Variants in MIA2 observed in about 807,000 individuals in gnomAD.
MIA2 encodes MIA SH3 domain ER export factor 2.
MIA2 carries 127 observed loss-of-function variants against 167.8 expected under a neutral mutation model. The observed-to-expected ratio is 0.76, with a 90% CI of 0.66 to 0.88. The LOEUF (loss-of-function observed/expected upper bound fraction) is 0.88. MIA2 is among the 40% of genes least tolerant of loss of function. The pLI is 0.00. For missense variants in MIA2, 1,690 were observed against 1,624.7 expected (o/e 1.04, Z -0.69); for synonymous variants, 552 against 541.9 (o/e 1.02, Z -0.26).
chr14:39,355,517 C>T (rs1432697774), downstream of MIA2, among the ~76,000 whole-genome samples: 1 of 152,108 alleles, frequency 6.6e-6, no homozygotes, highest in Non-Finnish European at 1.5e-5. Context: ...ATTTGACTTC[C>T]TCTTTTCCTA....
At chr14:39,285,268 C>T (rs1169563090) in intron 9 of MIA2, among the ~76,000 whole-genome samples, 1 of 152,104 alleles carries the variant, frequency 6.6e-6, no homozygotes, top group Non-Finnish European at 1.5e-5. Flanking sequence ...CTGTTGGGTA[C>T]ACCTCCCAGA....
chr14:39,376,365 A>G (rs1473480844), intron 23 of MIA2, among the ~76,000 whole-genome samples: 2 of 152,244 alleles, frequency 1.3e-5, no homozygotes, highest in African/African-American at 2.4e-5. Flanking sequence ...TTATTGTGTC[A>G]TGCTGTGGGT....
Position 39,345,983 on chromosome 14 carries a change from A to C in MIA2, c.3735A>C (p.Pro1245=). Residue 1245 remains proline, a synonymous_variant, in exon 26 of 29, where the codon CCA becomes CCC. Transcript: ENST00000640607. ...FCSNSGRLSG[P]AELRSFNMPS... ...CTAATTCTGGTAGACTGTCTGGACC[A>C]GCAGAACTCAGAAGTTTTAATATGC... is the stretch of plus-strand genomic sequence containing the variant. 6.2e-7 allele frequency: 1 copy of C among 1,612,274 alleles called. No homozygotes were observed. The highest frequency in any genetic ancestry group is 8.5e-7 in the Non-Finnish European group (1 of 1,178,570).
At chr14:39,374,545 G>A (rs1299985617) in intron 23 of MIA2, among the ~76,000 whole-genome samples, 1 of 152,178 alleles carries the variant, frequency 6.6e-6, no homozygotes, top group African/African-American at 2.4e-5. Context: ...AGAGAATCTT[G>A]GGGTTGGAGA....
chr14:39,277,703 TA>T, intron 7 of MIA2, among the ~76,000 whole-genome samples: 1 of 6,264 alleles, frequency 1.6e-4, no homozygotes, highest in African/African-American at 1.2e-3. Flanking sequence ...TATATATATA[TA>T]TATATATATA....
At chr14:39,358,591 G>A (rs375968296) in intron 23 of MIA2, among the ~76,000 whole-genome samples, 2 of 152,280 alleles carry the variant, frequency 1.3e-5, no homozygotes, top group South Asian at 4.1e-4. Context: ...TCTGTTGTTG[G>A]TGAGGAGCTG....
chr14:39,339,916 G>A (rs1246509048), intron 25 of MIA2, among the ~76,000 whole-genome samples: 1 of 152,180 alleles, frequency 6.6e-6, no homozygotes, highest in Non-Finnish European at 1.5e-5. Context: ...CATGAACACA[G>A]CTTACTACAG....
At chr14:39,352,443 A>C (rs1226490357), downstream of MIA2, among the ~76,000 whole-genome samples, 1 of 152,144 alleles carries the variant, frequency 6.6e-6, no homozygotes, top group East Asian at 1.9e-4. Context: ...GCAATATAAA[A>C]TGTGAATCCT....
rs145938964 is a variant in MIA2, at chr14:39,290,507, G to A, written c.2131-512G>A. On this transcript the variant is annotated intron_variant, in intron 9 of 28. Transcript: ENST00000640607. ...TGATGGTTGTTCCCTACCTTTTAAA[G>A]ATTTTTATATTCCCCACCTGCTTTA... Among the ~76,000 whole-genome samples, 6 of 152,140 alleles carry A rather than the reference G, an allele frequency of 3.9e-5. No individual in the cohort carries two copies. In the East Asian group the frequency reaches 1.2e-3, roughly 29 times the overall value.
intron 6 of MIA2, among the ~76,000 whole-genome samples, chr14:39,271,332 C>T (rs2057109066): frequency 6.6e-6 from 1 of 152,092 alleles, no homozygotes; most frequent in Non-Finnish European, 1.5e-5. Flanking sequence ...TGTCCCTATG[C>T]CATTACTACA....
intron 24 of MIA2, among the ~76,000 whole-genome samples, chr14:39,326,020 A>G (rs561187627): frequency 1.1e-4 from 16 of 152,294 alleles, no homozygotes; most frequent in African/African-American, 2.6e-4. Flanking sequence ...AGCCCTGTAT[A>G]TGGGTTTTTA....
At chr14:39,370,447 G>A in intron 23 of MIA2, 1 of 246,208 alleles carries the variant, frequency 4.1e-6, no homozygotes, top group South Asian at 6.2e-5. Flanking sequence ...ATGCTTGTGG[G>A]ATGGTGGGCC....
At chr14:39,373,468 G>A (rs1427553345) in intron 23 of MIA2, among the ~76,000 whole-genome samples, 1 of 152,160 alleles carries the variant, frequency 6.6e-6, no homozygotes, top group Non-Finnish European at 1.5e-5. Context: ...GCCACAAAGA[G>A]CAGAGCATTA....
intron 7 of MIA2, among the ~76,000 whole-genome samples, chr14:39,277,726 ATATATATATATATATATGTGTG>A (rs1452495023): frequency 0.1 from 397 of 3,890 alleles, 106 homozygotes; most frequent in African/African-American, 0.34. Flanking sequence ...GTGTGTATAT[ATATATATATATATATATGTGTG>A]TATATATATA....
At chr14:39,336,171 A>T (rs1303860893) in intron 25 of MIA2, among the ~76,000 whole-genome samples, 2 of 152,184 alleles carry the variant, frequency 1.3e-5, no homozygotes, top group Admixed American at 6.5e-5. Flanking sequence ...TTCTTTGAGA[A>T]ATCTTCAAAC....
At chr14:39,380,442 C>T (rs1208804713) in intron 23 of MIA2, among the ~76,000 whole-genome samples, 1 of 152,108 alleles carries the variant, frequency 6.6e-6, no homozygotes, top group African/African-American at 2.4e-5. Flanking sequence ...CACCTGTAAT[C>T]CCAGCACTTT....
At position 39,288,449 on chromosome 14, in the gene MIA2, A is replaced by ATTTTTTTTTTTTTTTTTT; in HGVS notation, c.2131-2569_2131-2568insTTTTTTTTTTTTTTTTTT. 4.6e-4 allele frequency among the ~76,000 whole-genome samples: 2 copies of ATTTTTTTTTTTTTTTTTT among 4,376 alleles called. 1 individual carries two copies. Among genetic ancestry groups the ATTTTTTTTTTTTTTTTTT allele is most frequent in the East Asian group, 8.0e-3 (2 of 250 alleles). 2.9% of individuals were successfully genotyped at this position (4,376 alleles called of 152,430 possible). ...ATATTATACATATATATATATATAT[A>ATTTTTTTTTTTTTTTTTT]TATATATATATATATATATATATAT... On this transcript the variant is annotated intron_variant, in intron 9 of 28. Transcript: ENST00000640607.
intron 6 of MIA2, among the ~76,000 whole-genome samples, chr14:39,270,161 T>G (rs200121508): frequency 6.6e-6 from 1 of 151,712 alleles, no homozygotes; most frequent in Non-Finnish European, 1.5e-5. Context: ...ATTGCCACCC[T>G]TGTGGGTGTA....
chr14:39,326,941 G>A lies in MIA2; in HGVS notation c.3574G>A (p.Asp1192Asn), dbSNP rs147309266. The A allele has an allele frequency of 2.4e-5, 38 of 1,596,458 alleles. No homozygotes were observed. The African/African-American group carries it at 3.8e-4, about 16-fold the overall frequency. The change falls in exon 25 of 29, where the codon GAT (aspartate) becomes AAT (asparagine). Residue 1192 changes from aspartate (D) to asparagine (N), a missense_variant. Physicochemically the swap from Asp to Asn is conservative, Grantham distance 23 (BLOSUM62 1). Coordinates refer to ENST00000640607, the MANE Select transcript of MIA2 (RefSeq NM_001329214.4). Reference sequence around the variant, plus strand: ...AGAATCAAGCTGTGATAGGTTAACCGATCCTCATAGGGCTCCCTCTGACAC... The same window carrying A: ...AGAATCAAGCTGTGATAGGTTAACCAATCCTCATAGGGCTCCCTCTGACAC... ...RGESSCDRLT[D>N]PHRAPSDTGS... is the part of the protein sequence containing the mutation.
Sources: allele counts gnomAD v4.1 joint callset (sites outside exome capture counted in the v4.1 genomes callset), GRCh38; gene constraint gnomAD v4.1.1; transcripts MANE v1.5; gene names NCBI Gene and HGNC (gene_info 2026-07-23, HGNC 2026-07-21).